The following ARNT2 variants were observed in gnomAD, a reference collection of about 807,000 sequenced individuals.
The protein encoded by ARNT2 is aryl hydrocarbon receptor nuclear translocator 2, also known as ARNT protein 2.
In ARNT2, 36 loss-of-function variants were observed where a neutral mutation model predicts 91.7. That is an observed-to-expected ratio of 0.39 (90% CI 0.30 to 0.52). The LOEUF (loss-of-function observed/expected upper bound fraction) is 0.52. Ranked by LOEUF, ARNT2 falls within the 20% of genes least tolerant of loss-of-function variation. ARNT2 has a pLI of 0.72. For missense variants in ARNT2, 775 were observed against 939.3 expected, an observed-to-expected ratio of 0.83 and a Z score of 2.29; for synonymous variants, 365 against 347.1, an observed-to-expected ratio of 1.05 and a Z score of -0.57.
chr15:80,434,007 T>G (rs2141571611), intron 1 of ARNT2: 1 of 152,408 alleles, frequency 6.6e-6, no homozygotes, highest in South Asian at 2.1e-4. Context: ...GAGGGTCTTA[T>G]GACCTTCAGT....
intron 8 of ARNT2, among the ~76,000 whole-genome samples, chr15:80,539,946 A>G (rs1249941400): frequency 6.6e-6 from 1 of 152,056 alleles, no homozygotes; most frequent in Non-Finnish European, 1.5e-5. Flanking sequence ...TTGGGAGTGT[A>G]AATTGGTACA....
intron 12 of ARNT2, among the ~76,000 whole-genome samples, chr15:80,568,581 T>C (rs976280603): frequency 6.6e-6 from 1 of 152,154 alleles, no homozygotes; most frequent in East Asian, 1.9e-4. Context: ...CAGTGGAGCA[T>C]AGGGGTGGGT....
chr15:80,570,220 ACATTCTAGC>A (rs1178879267), intron 12 of ARNT2, among the ~76,000 whole-genome samples: 7 of 152,186 alleles, frequency 4.6e-5, no homozygotes, highest in Non-Finnish European at 1.0e-4. Flanking sequence ...CACATCAATT[ACATTCTAGC>A]CATGTCGCCC....
At chr15:80,454,128 G>T (rs868059923) in intron 2 of ARNT2, among the ~76,000 whole-genome samples, 4 of 152,230 alleles carry the variant, frequency 2.6e-5, no homozygotes, top group Admixed American at 6.5e-5. Context: ...CAAGGTGGAG[G>T]TTCCAAAGTC....
Position 80,593,807 on chromosome 15 carries a change from AC to A in ARNT2, c.*111del. 2 of 978,652 alleles carry A rather than the reference AC, an allele frequency of 2.0e-6. No homozygotes were observed. Among genetic ancestry groups the A allele is most frequent in the Non-Finnish European group, 3.1e-6 (2 of 653,650 alleles). 60.6% of individuals were successfully genotyped at this position (978,652 alleles called of 1,614,324 possible). On this transcript the variant is annotated 3_prime_UTR_variant, in exon 19 of 19. Coordinates refer to ENST00000303329, the MANE Select transcript of ARNT2 (RefSeq NM_014862.4). ...CTGCTTGCCCTGCCGCAGGCCCCCC[AC>A]CAGAAGCCATCTCCCCCGCTGTGTG... is the stretch of plus-strand genomic sequence containing the variant.
At chr15:80,495,160 G>A (rs532600750) in intron 5 of ARNT2, among the ~76,000 whole-genome samples, 7 of 152,054 alleles carry the variant, frequency 4.6e-5, no homozygotes, top group African/African-American at 1.2e-4. Context: ...AACCCCAGCC[G>A]CCATCTTCCT....
At chr15:80,576,164 G>C (rs1417287505) in intron 14 of ARNT2, among the ~76,000 whole-genome samples, 2 of 152,192 alleles carry the variant, frequency 1.3e-5, no homozygotes. Context: ...TGAGATAAGA[G>C]TCCATCCTCT....
In ARNT2 at chr15:80,433,270, T is replaced by TTATTTTA. The variant is rs1896038059; in HGVS notation, c.32-17608_32-17602dup. On this transcript the variant is annotated intron_variant, in intron 1 of 18. Transcript: ENST00000303329. ...TTATTTTATTTTATTTTATTTTATT[T>TTATTTTA]TATTTTATTTTATTTTATTTTATTT... Among the ~76,000 whole-genome samples the TTATTTTA allele has an allele frequency of 7.0e-4, 102 of 145,966 alleles. 6 individuals are homozygous for TTATTTTA. Among genetic ancestry groups the TTATTTTA allele is most frequent in the Non-Finnish European group, 3.0e-5 (2 of 66,672 alleles).
At chr15:80,541,518 C>A (rs570717461) in intron 8 of ARNT2, among the ~76,000 whole-genome samples, 1 of 151,968 alleles carries the variant, frequency 6.6e-6, no homozygotes, top group Admixed American at 6.5e-5. Context: ...CAATTTTTTT[C>A]GTTGCAATTG....
chr15:80,564,010 C>T (rs1196142482), intron 12 of ARNT2, among the ~76,000 whole-genome samples: 2 of 152,150 alleles, frequency 1.3e-5, no homozygotes, highest in Non-Finnish European at 2.9e-5. Context: ...AATACAAGGC[C>T]AAGGAACCAA....
intron 5 of ARNT2, chr15:80,475,470 G>A: frequency 2.7e-6 from 1 of 369,080 alleles, no homozygotes; most frequent in Non-Finnish European, 5.1e-6. Flanking sequence ...TGAGGTGGGA[G>A]AATGGCATGA....
At position 80,574,179 on chromosome 15, in the gene ARNT2, G is replaced by A; in HGVS notation, c.1348G>A (p.Val450Met). The A allele has an allele frequency of 6.2e-7, 1 of 1,614,234 alleles. No individual in the cohort carries two copies. Among genetic ancestry groups the A allele is most frequent in the Middle Eastern group, 1.7e-4 (1 of 6,060 alleles). Residue 450 changes from valine to methionine, a missense_variant, in exon 13 of 19, where the codon GTG (valine) becomes ATG (methionine). Physicochemically the swap from Val to Met is conservative, Grantham distance 21. Coordinates refer to ENST00000303329, the MANE Select transcript of ARNT2 (RefSeq NM_014862.4). ...TCAGCAACAGCAGGCAGAATTGGAA[G>A]TGCACCAGAGAGATGGATTGTCATC... is the stretch of plus-strand genomic sequence containing the variant. Reference protein sequence around the residue: ...QLQQQQAELEVHQRDGLSSYD... With the variant: ...QLQQQQAELEMHQRDGLSSYD...
chr15:80,531,347 A>G (rs565447728), intron 8 of ARNT2, among the ~76,000 whole-genome samples: 10 of 152,326 alleles, frequency 6.6e-5, no homozygotes, highest in Admixed American at 3.3e-4. Context: ...TGTGTTGTTT[A>G]TATTACTCAG....
At chr15:80,461,056 G>C (rs72747537) in intron 3 of ARNT2, among the ~76,000 whole-genome samples, 1 of 151,990 alleles carries the variant, frequency 6.6e-6, no homozygotes, top group African/African-American at 2.4e-5. Flanking sequence ...GCTGTGTGCC[G>C]CAGGTGGGAA....
At chr15:80,458,879 G>A (rs1027048359) in intron 3 of ARNT2, among the ~76,000 whole-genome samples, 5 of 152,110 alleles carry the variant, frequency 3.3e-5, no homozygotes, top group African/African-American at 9.7e-5. Flanking sequence ...ATGGGTGACG[G>A]TTGCTTTTCT....
chr15:80,482,747 G>A (rs1292103595), intron 5 of ARNT2, among the ~76,000 whole-genome samples: 4 of 152,072 alleles, frequency 2.6e-5, no homozygotes, highest in South Asian at 2.1e-4. Context: ...TTCTCAAAGT[G>A]TAGTCCTTAG....
chr15:80,572,819 A>G (rs1274785565), intron 12 of ARNT2, among the ~76,000 whole-genome samples: 1 of 152,246 alleles, frequency 6.6e-6, no homozygotes, highest in African/African-American at 2.4e-5. Flanking sequence ...TGCATAATAT[A>G]TTGTGCTGCA....
In ARNT2 at chr15:80,593,506, A is replaced by G. The variant is rs1893320845; in HGVS notation, c.2056-94A>G. 5.0e-6 allele frequency: 5 copies of G among 1,006,830 alleles called. 1 individual carries two copies. The highest frequency in any genetic ancestry group is 3.0e-5 in the South Asian group (2 of 65,852). 62.4% of individuals were successfully genotyped at this position (1,006,830 alleles called of 1,614,324 possible). ...CTGGGCTGCCCCTTTAGGGATGGCC[A>G]TGAGGGTGAGTGCAGACTGGGCTCC... On this transcript the variant is annotated intron_variant, in intron 18 of 18. Coordinates refer to ENST00000303329, the MANE Select transcript of ARNT2 (RefSeq NM_014862.4).
intron 5 of ARNT2, among the ~76,000 whole-genome samples, chr15:80,495,841 G>A (rs1030652815): frequency 2.0e-5 from 3 of 152,104 alleles, no homozygotes; most frequent in African/African-American, 7.2e-5. Flanking sequence ...CCTTTACTTG[G>A]GGCATCCTAT....
Sources: gnomAD v4.1 joint callset for allele counts (sites outside exome capture counted in the v4.1 genomes callset) on GRCh38, gnomAD v4.1.1 for gene constraint, MANE v1.5 for transcripts, NCBI Gene and HGNC (gene_info 2026-07-23, HGNC 2026-07-21) for gene names.